The following VPS13A variants were observed in gnomAD, a reference collection of about 807,000 sequenced individuals.
VPS13A encodes intermembrane lipid transfer protein VPS13A.
VPS13A carries 264 observed loss-of-function variants against 390.9 expected under a neutral mutation model. The ratio of observed to expected loss-of-function variants is 0.68; its 90% CI spans 0.61 to 0.75. The LOEUF is 0.75. Among genes scored for constraint, VPS13A ranks in the 30% least tolerant of loss-of-function variants. The pLI, the probability that VPS13A is intolerant of heterozygous loss-of-function variation, is 0.00. For synonymous variants in VPS13A, 1,231 were observed against 1,227.1 expected, an observed-to-expected ratio of 1.00 and a Z score of -0.07; for missense variants, 3,409 against 3,733.9, an observed-to-expected ratio of 0.91 and a Z score of 2.27.
At chr9:77,413,974 A>T (rs1587740786) in intron 71 of VPS13A, among the ~76,000 whole-genome samples, 1 of 152,362 alleles carries the variant, frequency 6.6e-6, no homozygotes, top group Admixed American at 6.5e-5. Flanking sequence ...ATGCAGCCAG[A>T]AGACACATGA....
intron 10 of VPS13A, among the ~76,000 whole-genome samples, chr9:77,214,938 C>A (rs879388326): frequency 6.6e-6 from 1 of 152,136 alleles, no homozygotes; most frequent in Non-Finnish European, 1.5e-5. Context: ...TAATCTCTTT[C>A]GTATTTTAGT....
intron 71 of VPS13A, among the ~76,000 whole-genome samples, chr9:77,415,532 T>C (rs1473540152): frequency 6.6e-6 from 1 of 152,198 alleles, no homozygotes; most frequent in African/African-American, 2.4e-5. Context: ...GAAAATATAT[T>C]GTGAGAGCAC....
intron 19 of VPS13A, among the ~76,000 whole-genome samples, chr9:77,245,807 T>G (rs1333709906): frequency 1.3e-5 from 2 of 152,162 alleles, no homozygotes; most frequent in Admixed American, 6.5e-5. Context: ...GGAGGCAGCG[T>G]AATTTGTGAA....
At chr9:77,260,520 TA>T (rs1825700390) in intron 23 of VPS13A, among the ~76,000 whole-genome samples, 1 of 151,098 alleles carries the variant, frequency 6.6e-6, no homozygotes, top group Admixed American at 6.6e-5. Context: ...CACGCCCGGC[TA>T]ATTTTTTGTA....
chr9:77,325,160 A>G (rs1351444402), intron 45 of VPS13A, among the ~76,000 whole-genome samples: 1 of 152,196 alleles, frequency 6.6e-6, no homozygotes, highest in Non-Finnish European at 1.5e-5. Flanking sequence ...CATAAGGAGC[A>G]TGCAACCTAG....
In VPS13A at chr9:77,233,538, C is replaced by T. The variant is rs781223541; in HGVS notation, c.1596-4464C>T. Among the ~76,000 whole-genome samples the T allele has an allele frequency of 2.1e-4, 32 of 152,004 alleles. 1 individual carries two copies. Among genetic ancestry groups the T allele is most frequent in the Admixed American group, 7.9e-4 (12 of 15,252 alleles). On this transcript the variant is annotated intron_variant, in intron 17 of 71. Transcript: ENST00000360280. ...CTTTCTTTTTTAATGTAGGCATTTG[C>T]AAACAAAAATTTCCCTGTGAGAACT...
chr9:77,278,960 G>A (rs1826854010), intron 26 of VPS13A, among the ~76,000 whole-genome samples: 1 of 152,182 alleles, frequency 6.6e-6, no homozygotes, highest in African/African-American at 2.4e-5. Flanking sequence ...AGAGGCTGTG[G>A]GGAGTGCTTT....
rs1420546044 is a variant in VPS13A at position 77,418,935 on chromosome 9, A to G, written c.*2929A>G. On this transcript the variant is annotated 3_prime_UTR_variant, in exon 72 of 72. Coordinates refer to ENST00000360280, the MANE Select transcript of VPS13A (RefSeq NM_033305.3). ...ACACAGTGCTGAATTTCCTGCACCTAAATTATTCAGTTATCACTTGCCAGT... is the reference window on the plus strand; with the variant it reads ...ACACAGTGCTGAATTTCCTGCACCTGAATTATTCAGTTATCACTTGCCAGT... 2.0e-5 allele frequency: 3 copies of G among 152,314 alleles called. No homozygotes were observed. In the East Asian group the frequency reaches 5.8e-4, roughly 29 times the overall value. The allele number at this position is 152,314 out of a possible 1,614,324, so 9.4% of individuals were successfully genotyped here.
chr9:77,198,545 T>C (rs1163089481), intron 1 of VPS13A, among the ~76,000 whole-genome samples: 1 of 151,454 alleles, frequency 6.6e-6, no homozygotes, highest in Non-Finnish European at 1.5e-5. Context: ...CTTTTGGTTA[T>C]TTTTGCATGG....
At chr9:77,335,954 C>T (rs1359012483) in intron 46 of VPS13A, among the ~76,000 whole-genome samples, 1 of 152,142 alleles carries the variant, frequency 6.6e-6, no homozygotes, top group East Asian at 1.9e-4. Flanking sequence ...TTGGAACCAA[C>T]CCAAATGCCC....
chr9:77,282,807 G>T (rs1420916694), intron 29 of VPS13A, among the ~76,000 whole-genome samples: 1 of 151,974 alleles, frequency 6.6e-6, no homozygotes, highest in Non-Finnish European at 1.5e-5. Context: ...AATTAGTTGG[G>T]CATGGTGGTG....
chr9:77,278,237 A>ATTTTTT (rs57545793), intron 26 of VPS13A, among the ~76,000 whole-genome samples: 2 of 115,372 alleles, frequency 1.7e-5, no homozygotes. Context: ...CGCCCAGCTA[A>ATTTTTT]TTTTTTTTTT....
chr9:77,262,254 T>C (rs1825800863), intron 23 of VPS13A, among the ~76,000 whole-genome samples: 1 of 152,036 alleles, frequency 6.6e-6, no homozygotes, highest in Admixed American at 6.5e-5. Flanking sequence ...TTTTCCTTCA[T>C]GATTTCTGGA....
chr9:77,282,958 A>G (rs891527862), intron 29 of VPS13A, among the ~76,000 whole-genome samples: 5 of 151,358 alleles, frequency 3.3e-5, no homozygotes, highest in Non-Finnish European at 7.4e-5. Flanking sequence ...TCTGTTTCGA[A>G]AAAAAAAAAC....
At chr9:77,208,653 G>A (rs1044356194) in intron 5 of VPS13A, among the ~76,000 whole-genome samples, 18 of 151,950 alleles carry the variant, frequency 1.2e-4, no homozygotes, top group Middle Eastern at 3.4e-3. Flanking sequence ...TGGTTCAAAC[G>A]ATTCTCCTGC....
intron 35 of VPS13A, among the ~76,000 whole-genome samples, chr9:77,312,300 A>G (rs1032525686): frequency 6.6e-6 from 1 of 152,226 alleles, no homozygotes; most frequent in African/African-American, 2.4e-5. Context: ...TATCCAGAGT[A>G]CATTAGCACT....
intron 31 of VPS13A, among the ~76,000 whole-genome samples, chr9:77,287,384 G>C (rs1040990745): frequency 9.9e-5 from 15 of 151,558 alleles, no homozygotes; most frequent in African/African-American, 3.6e-4. Context: ...GTAGAGATGG[G>C]GTTTCAACAT....
intron 5 of VPS13A, among the ~76,000 whole-genome samples, chr9:77,206,817 G>A (rs1825664821): frequency 6.6e-6 from 1 of 151,932 alleles, no homozygotes; most frequent in East Asian, 1.9e-4. Flanking sequence ...AAATTAAAAA[G>A]TTTACTGACT....
intron 1 of VPS13A, among the ~76,000 whole-genome samples, chr9:77,197,610 G>T (rs1214786513): frequency 1.3e-5 from 2 of 151,952 alleles, no homozygotes; most frequent in Non-Finnish European, 2.9e-5. Flanking sequence ...GGAATCAGAA[G>T]TGATATGGAT....
Sources: gnomAD v4.1 joint callset for allele counts (sites outside exome capture counted in the v4.1 genomes callset) on GRCh38, gnomAD v4.1.1 for gene constraint, MANE v1.5 for transcripts, NCBI Gene and HGNC (gene_info 2026-07-23, HGNC 2026-07-21) for gene names.